The following ARHGEF1 variants were observed in gnomAD, a reference collection of about 807,000 sequenced individuals.
ARHGEF1 encodes 115 kDa guanine nucleotide exchange factor.
ARHGEF1 carries 40 observed loss-of-function variants against 119.7 expected under a neutral mutation model. That is an observed-to-expected ratio of 0.33 (90% CI 0.26 to 0.44). The LOEUF (loss-of-function observed/expected upper bound fraction) is 0.44. Ranked by LOEUF, ARHGEF1 falls within the 20% of genes least tolerant of loss-of-function variation. The pLI is 1.00. For missense variants in ARHGEF1, 976 were observed against 1,268.3 expected, an observed-to-expected ratio of 0.77 and a Z score of 3.50; for synonymous variants, 494 against 521.0, an observed-to-expected ratio of 0.95 and a Z score of 0.71.
At chr19:41,928,915 G>A (rs1450540312) in exon 2 of ARHGEF1, 3 of 456,308 alleles carry the variant, frequency 6.6e-6, no homozygotes, top group Admixed American at 4.7e-5. Context: ...AGCCTGGACC[G>A]GGACTGGAAC....
chr19:41,902,139 G>C lies in ARHGEF1; in HGVS notation c.1414+106G>C. 6.4e-7 allele frequency: 1 copy of C among 1,558,502 alleles called. No homozygotes were observed. Among genetic ancestry groups the C allele is most frequent in the Non-Finnish European group, 8.8e-7 (1 of 1,142,608 alleles). On this transcript the variant is annotated intron_variant, in intron 15 of 28. Coordinates refer to ENST00000354532, the MANE Select transcript of ARHGEF1 (RefSeq NM_004706.4). This position sits in a 1 kb window ranked among gnomAD's most constrained non-coding sequence, Gnocchi z 6.5. ...GGGAACCCCAGGGTTCACATGGGGT[G>C]GGGGCAGATACGCCATCCGGTCCCG... is the stretch of plus-strand genomic sequence containing the variant.
rs576060778 is a variant in ARHGEF1 at position 41,892,215 on chromosome 19, T to C, written c.324+92T>C. On this transcript the variant is annotated intron_variant, in intron 5 of 28. Coordinates refer to ENST00000354532, the MANE Select transcript of ARHGEF1 (RefSeq NM_004706.4). This position sits in a 1 kb window ranked among gnomAD's most constrained non-coding sequence, Gnocchi z 6.3. ...CCCCAGCCTCTGCCCTGAGGGCAGCTGCTGACCCAGGCCTTCCCCAGCACC... is the reference window on the plus strand; with the variant it reads ...CCCCAGCCTCTGCCCTGAGGGCAGCCGCTGACCCAGGCCTTCCCCAGCACC... The C allele has an allele frequency of 5.1e-6, 8 of 1,554,576 alleles. No homozygotes were observed. The East Asian group carries it at 1.1e-4, about 22-fold the overall frequency.
rs1555849351 is a variant in ARHGEF1, at chr19:41,902,932, T to C, written c.1738+34T>C. ...GGCCTGGATCTCTGGGCCTCGGCTC[T>C]CCTCTTTTTTTTTTACATTTTTTTT... On this transcript the variant is annotated intron_variant, in intron 18 of 28. Coordinates refer to ENST00000354532, the MANE Select transcript of ARHGEF1 (RefSeq NM_004706.4). The surrounding 1 kb of genome is among the most constrained non-coding windows in gnomAD (Gnocchi z 6.5). 4 of 1,505,082 alleles carry C rather than the reference T, an allele frequency of 2.7e-6. No individual in the cohort carries two copies. The highest frequency in any genetic ancestry group is 1.8e-6 in the Non-Finnish European group (2 of 1,115,748). 93.2% of individuals were successfully genotyped at this position (1,505,082 alleles called of 1,614,324 possible).
chr19:41,884,049 G>A (rs1389532951), intron 1 of ARHGEF1, among the ~76,000 whole-genome samples: 1 of 152,204 alleles, frequency 6.6e-6, no homozygotes, highest in Non-Finnish European at 1.5e-5. Flanking sequence ...GAAATTCAGC[G>A]GGTCCCCTAA....
chr19:41,884,293 C>G (rs2074260109), intron 1 of ARHGEF1: 2 of 899,726 alleles, frequency 2.2e-6, no homozygotes, highest in African/African-American at 1.7e-5. Flanking sequence ...CTAGAGCGGC[C>G]GGCGGGAGGA....
At position 41,906,154 on chromosome 19, in the gene ARHGEF1, C is replaced by A; in HGVS notation, c.2491+129C>A. Reference sequence around the variant, plus strand: ...CCAGAAAACAAATGCTCCAAACCCACCCAGCCTGCACCACTGTCCTGGGTG... The same window carrying A: ...CCAGAAAACAAATGCTCCAAACCCAACCAGCCTGCACCACTGTCCTGGGTG... On this transcript the variant is annotated intron_variant, in intron 26 of 28. Coordinates refer to ENST00000354532, the MANE Select transcript of ARHGEF1 (RefSeq NM_004706.4). The surrounding 1 kb of genome is among the most constrained non-coding windows in gnomAD (Gnocchi z 4.5). 1.1e-6 allele frequency: 1 copy of A among 894,144 alleles called. No homozygotes were observed. The highest frequency in any genetic ancestry group is 1.7e-6 in the Non-Finnish European group (1 of 575,328). 55.4% of individuals were successfully genotyped at this position (894,144 alleles called of 1,614,324 possible). A position where few individuals can be genotyped will look rare whatever the true frequency, so the allele number is the denominator to read the frequency against.
At chr19:41,901,230 A>C (rs1555848967) in intron 14 of ARHGEF1, among the ~76,000 whole-genome samples, 2 of 150,980 alleles carry the variant, frequency 1.3e-5, no homozygotes, top group African/African-American at 4.9e-5. Context: ...GCTCACTGCA[A>C]CCTCTGTCTC....
chr19:41,909,550 G>T, downstream of ARHGEF1: 1 of 1,065,988 alleles, frequency 9.4e-7, no homozygotes, highest in Non-Finnish European at 1.2e-6. This position sits in a 1 kb window ranked among gnomAD's most constrained non-coding sequence, Gnocchi z 5.2. Flanking sequence ...TGCGTGTGCT[G>T]TCCCAGGCAT....
chr19:41,892,039 T>A lies in ARHGEF1; in HGVS notation c.240T>A (p.His80Gln), dbSNP rs1461516353. The change falls in exon 5 of 29, where the codon CAT (histidine) becomes CAA (glutamine). Residue 80 changes from histidine to glutamine, a missense_variant. Transcript: ENST00000354532. The surrounding 1 kb of genome is among the most constrained non-coding windows in gnomAD (Gnocchi z 6.3). ...FEPGPLLCCL[H>Q]ADMLGSLGPK... ...GTCTCCCCCAGCTTTGCTGTCTGCA[T>A]GCCGACATGCTGGGCTCACTGGGCC... The A allele has an allele frequency of 7.5e-6, 12 of 1,609,248 alleles. No homozygotes were observed. The highest frequency in any genetic ancestry group is 1.3e-5 in the African/African-American group (1 of 74,774).
chr19:41,891,364 C>T (rs2074373830), intron 4 of ARHGEF1, among the ~76,000 whole-genome samples: 1 of 152,202 alleles, frequency 6.6e-6, no homozygotes, highest in South Asian at 2.1e-4. Context: ...CTCACTGCAA[C>T]CTCCATCTCC....
chr19:41,909,053 C>CA (rs1339697189), downstream of ARHGEF1: 1 of 1,228,332 alleles, frequency 8.1e-7, no homozygotes, highest in Non-Finnish European at 1.0e-6. The surrounding 1 kb of genome is among the most constrained non-coding windows in gnomAD (Gnocchi z 5.2). Context: ...AACCTCCAGG[C>CA]TCTTACCAGA....
Position 41,902,174 on chromosome 19 carries a change from CA to C in ARHGEF1, c.1415-99del. ...ACGCCATCCGGTCCCGAGGATCAGA[CA>C]CAGACACACCTGCAGCCCTACCCCC... On this transcript the variant is annotated intron_variant, in intron 15 of 28. Transcript: ENST00000354532. This position sits in a 1 kb window ranked among gnomAD's most constrained non-coding sequence, Gnocchi z 6.5. 1.9e-6 allele frequency: 3 copies of C among 1,562,820 alleles called. No homozygotes were observed. Among genetic ancestry groups the C allele is most frequent in the Non-Finnish European group, 2.6e-6 (3 of 1,141,608 alleles).
chr19:41,884,534 T>C, intron 1 of ARHGEF1: 1 of 1,602,656 alleles, frequency 6.2e-7, no homozygotes, highest in Non-Finnish European at 8.5e-7. Flanking sequence ...ACCCTGACTC[T>C]GCACGTCCTC....
At chr19:41,912,622 TCCCAG>T (rs2074759852) in intron 18 of ARHGEF1, among the ~76,000 whole-genome samples, 1 of 152,026 alleles carries the variant, frequency 6.6e-6, no homozygotes, top group Non-Finnish European at 1.5e-5. Flanking sequence ...TTCCGTACCC[TCCCAG>T]AAGACCCACC....
rs2074777447 is a variant in ARHGEF1 at position 41,914,583 on chromosome 19, CT to C, written c.1865+7781del. On this transcript the variant is annotated intron_variant, in intron 18 of 20. Coordinates refer to the ARHGEF1 transcript ENST00000599589. ...CCACCATCTCTGTCTCCGTCTCTCC[CT>C]CCCTTTCCACCATCTCTGTCTCTCC... Among the ~76,000 whole-genome samples the C allele has an allele frequency of 2.1e-4, 13 of 61,028 alleles. 1 individual carries two copies. The highest frequency in any genetic ancestry group is 1.9e-4 in the Non-Finnish European group (6 of 30,988). The allele number at this position is 61,028 out of a possible 152,430, so 40.0% of individuals were successfully genotyped here. A position where few individuals can be genotyped will look rare whatever the true frequency, so the allele number is the denominator to read the frequency against.
At chr19:41,898,072 C>T (rs1205888968) in intron 13 of ARHGEF1, 1 of 1,355,170 alleles carries the variant, frequency 7.4e-7, no homozygotes, top group Non-Finnish European at 9.4e-7. Context: ...ACATGGACCC[C>T]AGTTCCGCCA....
chr19:41,892,742 G>A lies in ARHGEF1; in HGVS notation c.507G>A (p.Glu169=). Residue 169 remains glutamate (E), a synonymous_variant, in exon 7 of 29, where the codon GAG becomes GAA. Transcript: ENST00000354532. The surrounding 1 kb of genome is among the most constrained non-coding windows in gnomAD (Gnocchi z 6.3). ...SKRLMGMTPW[E]QELAQLEAWV... Reference sequence around the variant, plus strand: ...GGCTCATGGGCATGACGCCCTGGGAGCAGGAGCTGGCCCAGCTGGAGGCTT... The same window carrying A: ...GGCTCATGGGCATGACGCCCTGGGAACAGGAGCTGGCCCAGCTGGAGGCTT... 1 of 1,610,888 alleles carries A rather than the reference G, an allele frequency of 6.2e-7. No individual in the cohort carries two copies. The highest frequency in any genetic ancestry group is 1.3e-5 in the African/African-American group (1 of 75,046).
In ARHGEF1 at chr19:41,896,444, G is replaced by A. The variant is rs782749608; in HGVS notation, c.1083G>A (p.Ala361=). 1.1e-5 allele frequency: 16 copies of A among 1,478,316 alleles called. No individual in the cohort carries two copies. The highest frequency in any genetic ancestry group is 2.4e-5 in the East Asian group (1 of 41,272). The allele number at this position is 1,478,316 out of a possible 1,614,324, so 91.6% of individuals were successfully genotyped here. The change falls in exon 13 of 29, where the codon GCG becomes GCA. Residue 361 remains alanine, a synonymous_variant. Coordinates refer to ENST00000354532, the MANE Select transcript of ARHGEF1 (RefSeq NM_004706.4). The part of the protein sequence containing the change: ...PQGPMSLESL[A]PPESTDEGAE... ...GCCCAATGAGCCTGGAGTCCTTGGC[G>A]CCCCCAGAGAGTACCGACGAGGGGG...
intron 14 of ARHGEF1, 39 bp downstream of exon 14, chr19:41,898,626 A>G: frequency 6.4e-7 from 1 of 1,567,010 alleles, no homozygotes; most frequent in Non-Finnish European, 8.6e-7. Context: ...GGCCAAGGAC[A>G]CAGTCCAGCT....
Sources: allele counts gnomAD v4.1 joint callset (sites outside exome capture counted in the v4.1 genomes callset), GRCh38; gene constraint gnomAD v4.1.1; non-coding constraint Gnocchi (gnomAD v3.1); transcripts MANE v1.5; gene names NCBI Gene and HGNC (gene_info 2026-07-23, HGNC 2026-07-21).